The following APCDD1L variants were observed in gnomAD, a reference collection of about 807,000 sequenced individuals.
The protein encoded by APCDD1L is protein APCDD1-like.
APCDD1L carries 21 observed loss-of-function variants against 24.2 expected under a neutral mutation model. The observed-to-expected ratio is 0.87, with a 90% CI of 0.61 to 1.25. The LOEUF is 1.25. Ranked by LOEUF, APCDD1L falls within the 50% of genes most tolerant of loss-of-function variation. The pLI, the probability that APCDD1L is intolerant of heterozygous loss-of-function variation, is 0.00. For missense variants in APCDD1L, 704 were observed against 711.7 expected (o/e 0.99, Z 0.12); for synonymous variants, 321 against 323.6 (o/e 0.99, Z 0.09).
chr20:58,514,225 C>G (rs550296720), intron 1 of APCDD1L, among the ~76,000 whole-genome samples: 1 of 152,176 alleles, frequency 6.6e-6, no homozygotes, highest in Non-Finnish European at 1.5e-5. Flanking sequence ...AAGCCCCGAC[C>G]CCGCACAGGT....
chr20:58,481,221 A>G lies in APCDD1L; in HGVS notation c.50-10474T>C, dbSNP rs149757230. Among the ~76,000 whole-genome samples, 1,048 of 152,368 alleles carry G rather than the reference A, an allele frequency of 6.9e-3. 10 individuals are homozygous for G. The highest frequency in any genetic ancestry group is 0.023 in the African/African-American group (961 of 41,586). ...TCAGTGTTTTCCAAACAGAATGTGT[A>G]TCTGGGAGTCTCCCGTTGGACTGAA... On this transcript the variant is annotated intron_variant, in intron 1 of 3. Coordinates refer to ENST00000371149, the MANE Select transcript of APCDD1L (RefSeq NM_153360.3).
chr20:58,500,531 G>A (rs953682765), intron 1 of APCDD1L, among the ~76,000 whole-genome samples: 1 of 152,192 alleles, frequency 6.6e-6, no homozygotes, highest in African/African-American at 2.4e-5. Flanking sequence ...GGAAATGCTT[G>A]AGAATGAAGC....
intron 1 of APCDD1L, among the ~76,000 whole-genome samples, chr20:58,486,615 G>A (rs1380913390): frequency 1.3e-5 from 2 of 152,072 alleles, no homozygotes; most frequent in Admixed American, 6.5e-5. Flanking sequence ...GAAGCACAGT[G>A]AATACCAAGT....
chr20:58,485,125 T>C (rs1990097930), intron 1 of APCDD1L, among the ~76,000 whole-genome samples: 1 of 145,106 alleles, frequency 6.9e-6, no homozygotes, highest in Non-Finnish European at 1.5e-5. Context: ...CCTCTGTTAA[T>C]GGTCATTTAG....
intron 1 of APCDD1L, among the ~76,000 whole-genome samples, chr20:58,513,377 G>C (rs563033684): frequency 6.6e-6 from 1 of 152,240 alleles, no homozygotes; most frequent in African/African-American, 2.4e-5. Flanking sequence ...GTCACCTCTC[G>C]CTCCCAGACT....
In APCDD1L at chr20:58,461,928, C is replaced by T. The variant is rs188355113; in HGVS notation, c.742-374G>A. ...ACCACCCTCTTTTATCTTCCTCATT[C>T]CACCCCCTGAGACTCTCCTCTCTCT... On this transcript the variant is annotated intron_variant, in intron 3 of 3. Coordinates refer to ENST00000371149, the MANE Select transcript of APCDD1L (RefSeq NM_153360.3). The surrounding 1 kb of genome is among the most constrained non-coding windows in gnomAD (Gnocchi z 6.0). The T allele has an allele frequency of 6.7e-3, 1,417 of 210,820 alleles. 5 individuals are homozygous for T. The highest frequency in any genetic ancestry group is 8.3e-3 in the Middle Eastern group (5 of 606). 13.1% of individuals were successfully genotyped at this position (210,820 alleles called of 1,614,324 possible). A position where few individuals can be genotyped will look rare whatever the true frequency, so the allele number is the denominator to read the frequency against.
rs918750794 is a variant in APCDD1L at position 58,497,410 on chromosome 20, C to T, written c.49+17249G>A. Among the ~76,000 whole-genome samples the T allele has an allele frequency of 1.3e-5, 2 of 152,052 alleles. No individual in the cohort carries two copies. The highest frequency in any genetic ancestry group is 3.9e-4 in the East Asian group (2 of 5,184). On this transcript the variant is annotated intron_variant, in intron 1 of 3. Transcript: ENST00000371149. The surrounding 1 kb of genome is among the most constrained non-coding windows in gnomAD (Gnocchi z 4.3). Reference sequence around the variant, plus strand: ...CGTGTCCACAGATGGGGTGCTAAAACGAGAGGAATTTACATTCTCATCCTG... The same window carrying T: ...CGTGTCCACAGATGGGGTGCTAAAATGAGAGGAATTTACATTCTCATCCTG...
At chr20:58,471,714 T>A (rs1328408096) in intron 1 of APCDD1L, among the ~76,000 whole-genome samples, 1 of 152,036 alleles carries the variant, frequency 6.6e-6, no homozygotes, top group East Asian at 1.9e-4. Context: ...CTGATGGGCT[T>A]GAGATGGCCC....
At position 58,494,364 on chromosome 20, in the gene APCDD1L, G is replaced by A. The variant is rs1452182150; in HGVS notation, c.49+20295C>T. Among the ~76,000 whole-genome samples the A allele has an allele frequency of 6.7e-6, 1 of 150,262 alleles. No homozygotes were observed. Among genetic ancestry groups the A allele is most frequent in the Non-Finnish European group, 1.5e-5 (1 of 67,698 alleles). On this transcript the variant is annotated intron_variant, in intron 1 of 3. Coordinates refer to ENST00000371149, the MANE Select transcript of APCDD1L (RefSeq NM_153360.3). This position sits in a 1 kb window ranked among gnomAD's most constrained non-coding sequence, Gnocchi z 4.8. Reference sequence around the variant, plus strand: ...TTCTTTCCTTTTTTCTTGAGTCAGGGTTTCATTCTGTCGCATAGGCTAGAG... The same window carrying A: ...TTCTTTCCTTTTTTCTTGAGTCAGGATTTCATTCTGTCGCATAGGCTAGAG...
chr20:58,496,902 C>T (rs969867614), intron 1 of APCDD1L, among the ~76,000 whole-genome samples: 9 of 152,246 alleles, frequency 5.9e-5, no homozygotes, highest in South Asian at 4.1e-4. Flanking sequence ...CCCCTACGAG[C>T]GGCACTGAGG....
At chr20:58,489,528 A>C (rs1720643095) in intron 1 of APCDD1L, among the ~76,000 whole-genome samples, 1 of 151,990 alleles carries the variant, frequency 6.6e-6, no homozygotes, top group Non-Finnish European at 1.5e-5. Context: ...CTAAAAATAC[A>C]AAAAAATTAG....
chr20:58,509,277 G>C (rs1462288531), intron 1 of APCDD1L, among the ~76,000 whole-genome samples: 1 of 152,154 alleles, frequency 6.6e-6, no homozygotes, highest in Non-Finnish European at 1.5e-5. Flanking sequence ...AGGGCCTTTG[G>C]ATTGGGCTTT....
At chr20:58,507,888 C>A (rs757216120) in intron 1 of APCDD1L, among the ~76,000 whole-genome samples, 2 of 152,332 alleles carry the variant, frequency 1.3e-5, no homozygotes, top group African/African-American at 4.8e-5. Flanking sequence ...CTATAACACA[C>A]AAACATTTGC....
At chr20:58,483,756 G>C (rs377274343) in intron 1 of APCDD1L, among the ~76,000 whole-genome samples, 73 of 152,346 alleles carry the variant, frequency 4.8e-4, no homozygotes, top group African/African-American at 1.7e-3. Context: ...GGAGGGACTT[G>C]AGAGGGCCTG....
intron 1 of APCDD1L, among the ~76,000 whole-genome samples, chr20:58,472,314 C>G (rs1420042831): frequency 6.6e-6 from 1 of 152,176 alleles, no homozygotes; most frequent in Non-Finnish European, 1.5e-5. Context: ...TGCAATAACC[C>G]TGGAGTCGGT....
chr20:58,513,881 G>A, intron 1 of APCDD1L: 2 of 1,304,158 alleles, frequency 1.5e-6, no homozygotes, highest in Non-Finnish European at 1.0e-6. Context: ...TAACTCCAGG[G>A]CCAGAATTCT....
chr20:58,514,847 C>G lies in APCDD1L; in HGVS notation c.-140G>C, dbSNP rs560263373. On this transcript the variant is annotated 5_prime_UTR_variant, in exon 1 of 4. Coordinates refer to ENST00000371149, the MANE Select transcript of APCDD1L (RefSeq NM_153360.3). ...AAGAAGTTGCGAGGGTCCTGCGCCC[C>G]CCTCGGCGCTCACACGCGCTCAGCC... 82 of 580,754 alleles carry G rather than the reference C, an allele frequency of 1.4e-4. 1 individual carries two copies. The Admixed American group carries it at 1.9e-3, about 13-fold the overall frequency. The allele number at this position is 580,754 out of a possible 1,614,324, so 36.0% of individuals were successfully genotyped here.
intron 3 of APCDD1L, among the ~76,000 whole-genome samples, chr20:58,462,522 G>T (rs1483325759): frequency 6.6e-6 from 1 of 152,166 alleles, no homozygotes; most frequent in African/African-American, 2.4e-5. Context: ...ATGGAAAGTG[G>T]ATATGGCAAC....
intron 1 of APCDD1L, among the ~76,000 whole-genome samples, chr20:58,477,950 G>A (rs1290619679): frequency 6.6e-6 from 1 of 152,156 alleles, no homozygotes; most frequent in Admixed American, 6.5e-5. Context: ...TAATTGTGCT[G>A]TAAAGATGTA....
Sources: allele counts gnomAD v4.1 joint callset (sites outside exome capture counted in the v4.1 genomes callset), GRCh38; gene constraint gnomAD v4.1.1; non-coding constraint Gnocchi (gnomAD v3.1); transcripts MANE v1.5; gene names NCBI Gene and HGNC (gene_info 2026-07-23, HGNC 2026-07-21).